ECPAS: variants seen among roughly 807,000 people sequenced by gnomAD.
ECPAS encodes the protein proteasome adapter and scaffold protein ECM29.
ECPAS carries 70 observed loss-of-function variants against 255.1 expected under a neutral mutation model. That is an observed-to-expected ratio of 0.27 (90% CI 0.23 to 0.33). The LOEUF is 0.33. Ranked by LOEUF, ECPAS falls within the 10% of genes least tolerant of loss-of-function variation. The pLI is 1.00. For synonymous variants in ECPAS, 784 were observed against 775.0 expected, an observed-to-expected ratio of 1.01 and a Z score of -0.19; for missense variants, 1,817 against 2,206.4, an observed-to-expected ratio of 0.82 and a Z score of 3.54.
chr9:111,468,157 A>T (rs1225198047), intron 2 of ECPAS, among the ~76,000 whole-genome samples: 1 of 152,138 alleles, frequency 6.6e-6, no homozygotes, highest in Non-Finnish European at 1.5e-5. Flanking sequence ...CTCAAAAAAC[A>T]AAACAAAACA....
intron 2 of ECPAS, among the ~76,000 whole-genome samples, chr9:111,462,465 T>C (rs1404410030): frequency 1.3e-5 from 2 of 152,188 alleles, no homozygotes; most frequent in Non-Finnish European, 2.9e-5. Flanking sequence ...ACTGTCAGTA[T>C]TCACAGATTA....
intron 48 of ECPAS, 113 bp downstream of exon 48, chr9:111,366,126 C>T (rs757485891): frequency 3.0e-6 from 2 of 675,786 alleles, no homozygotes; most frequent in Non-Finnish European, 5.2e-6. Flanking sequence ...GTAGCAGAGT[C>T]CAGTAGCTAT....
intron 17 of ECPAS, among the ~76,000 whole-genome samples, chr9:111,416,629 G>C (rs2098203993): frequency 6.6e-6 from 1 of 152,100 alleles, no homozygotes. Flanking sequence ...TCAGGTCACT[G>C]CATGCCAGTT....
intron 6 of ECPAS, among the ~76,000 whole-genome samples, chr9:111,438,519 G>T (rs1273570081): frequency 1.3e-5 from 2 of 152,096 alleles, no homozygotes; most frequent in African/African-American, 4.8e-5. Flanking sequence ...GAGGTGAGAG[G>T]ACTGCTTGAA....
chr9:111,469,693 T>C (rs1489305003), intron 2 of ECPAS, among the ~76,000 whole-genome samples: 2 of 142,012 alleles, frequency 1.4e-5, no homozygotes, highest in East Asian at 2.2e-4. Flanking sequence ...CCTGTAGTCC[T>C]AGCTACTCGG....
chr9:111,465,978 G>C (rs550576325), intron 2 of ECPAS, among the ~76,000 whole-genome samples: 53 of 151,768 alleles, frequency 3.5e-4, no homozygotes, highest in South Asian at 2.1e-4. Flanking sequence ...AGGCTGCAGT[G>C]AGCTAGATCA....
intron 1 of ECPAS, chr9:111,483,560 A>G: frequency 1.1e-6 from 1 of 893,170 alleles, no homozygotes; most frequent in Non-Finnish European, 1.3e-6. Context: ...CCGGGGAGGG[A>G]ACGAGGGAGG....
intron 45 of ECPAS, among the ~76,000 whole-genome samples, chr9:111,369,869 T>C (rs2098125242): frequency 6.6e-6 from 1 of 152,192 alleles, no homozygotes; most frequent in Non-Finnish European, 1.5e-5. Context: ...CTGAGCTTCT[T>C]GCCTTTACTC....
intron 16 of ECPAS, among the ~76,000 whole-genome samples, chr9:111,418,231 T>C (rs943572237): frequency 1.3e-5 from 2 of 152,204 alleles, no homozygotes; most frequent in African/African-American, 2.4e-5. Context: ...ATCTTTGAAT[T>C]TGACTCACAT....
At chr9:111,413,291 A>G (rs1257200783) in intron 20 of ECPAS, among the ~76,000 whole-genome samples, 3 of 152,228 alleles carry the variant, frequency 2.0e-5, no homozygotes, top group African/African-American at 7.2e-5. Context: ...ACATGATAGT[A>G]CATTCATACA....
At chr9:111,452,863 A>T (rs145272632) in intron 2 of ECPAS, among the ~76,000 whole-genome samples, 131 of 152,284 alleles carry the variant, frequency 8.6e-4, no homozygotes, top group African/African-American at 3.0e-3. Context: ...AAAAGGAACC[A>T]AGCTCCTTGG....
At chr9:111,420,166 G>GAA (rs760855836) in intron 15 of ECPAS, 46 bp from the exon 16 acceptor site, 7 of 1,228,444 alleles carry the variant, frequency 5.7e-6, no homozygotes, top group Non-Finnish European at 6.9e-6. Context: ...TCCGAAAAAG[G>GAA]AAAAAAAAAA....
chr9:111,441,992 T>A (rs957239100), intron 5 of ECPAS, among the ~76,000 whole-genome samples: 1 of 152,228 alleles, frequency 6.6e-6, no homozygotes, highest in African/African-American at 2.4e-5. Context: ...ATAGAATTGT[T>A]TTGATGCAAA....
At chr9:111,426,907 C>G (rs902020889) in intron 10 of ECPAS, among the ~76,000 whole-genome samples, 1 of 152,014 alleles carries the variant, frequency 6.6e-6, no homozygotes, top group Non-Finnish European at 1.5e-5. Context: ...GAGGCAGAGG[C>G]TGCAGTAAGC....
At chr9:111,393,895 T>C (rs568795464) in intron 26 of ECPAS, among the ~76,000 whole-genome samples, 161 bp from the exon 27 acceptor site, 11 of 152,244 alleles carry the variant, frequency 7.2e-5, no homozygotes, top group African/African-American at 2.7e-4. Context: ...CACCTGGAGC[T>C]GCACCACTTA....
intron 49 of ECPAS, among the ~76,000 whole-genome samples, chr9:111,363,298 C>T (rs2131453308): frequency 6.6e-6 from 1 of 152,160 alleles, no homozygotes; most frequent in Admixed American, 6.5e-5. Context: ...TCAACCAATT[C>T]CTGTAATTAA....
intron 2 of ECPAS, among the ~76,000 whole-genome samples, chr9:111,467,571 C>T (rs758668861): frequency 1.3e-5 from 2 of 151,948 alleles, no homozygotes. Context: ...TTTTAAAATA[C>T]AAATCAGGTT....
rs1403931176 is a variant in ECPAS at position 111,445,038 on chromosome 9, C to A, written c.154-544G>T. ...TGACATGGAGTCTCGCTCTGTTGCC[C>A]AGGCTAGAGTGTAGTGGTGCGATCT... On this transcript the variant is annotated intron_variant, in intron 3 of 49. Transcript: ENST00000684092. Among the ~76,000 whole-genome samples the A allele has an allele frequency of 2.1e-5, 3 of 142,664 alleles. 1 individual carries two copies. Among genetic ancestry groups the A allele is most frequent in the Non-Finnish European group, 4.5e-5 (3 of 66,294 alleles). The allele number at this position is 142,664 out of a possible 152,430, so 93.6% of individuals were successfully genotyped here. A position where few individuals can be genotyped will look rare whatever the true frequency, so the allele number is the denominator to read the frequency against.
intron 41 of ECPAS, 142 bp downstream of exon 41, chr9:111,373,028 T>C (rs1019440354): frequency 1.3e-6 from 1 of 762,932 alleles, no homozygotes; most frequent in East Asian, 2.5e-5. Flanking sequence ...CCAGACACCA[T>C]CTCAAAAAAA....
Sources: gnomAD v4.1 joint callset for allele counts (sites outside exome capture counted in the v4.1 genomes callset) on GRCh38, gnomAD v4.1.1 for gene constraint, MANE v1.5 for transcripts, NCBI Gene and HGNC (gene_info 2026-07-23, HGNC 2026-07-21) for gene names.